The following LRBA variants were observed in gnomAD, a reference collection of about 807,000 sequenced individuals.
LRBA encodes LPS responsive beige-like anchor protein, also known as lipopolysaccharide-responsive and beige-like anchor protein.
A neutral mutation model predicts 330.0 loss-of-function variants in LRBA; 176 were observed. The ratio of observed to expected loss-of-function variants is 0.53; its 90% CI spans 0.47 to 0.60. The LOEUF is 0.60. Among genes scored for constraint, LRBA ranks in the 20% least tolerant of loss-of-function variants. The pLI is 0.00. For missense variants in LRBA, 3,259 were observed against 3,444.8 expected (o/e 0.95, Z 1.35); for synonymous variants, 1,230 against 1,193.0 (o/e 1.03, Z -0.64).
intron 37 of LRBA, among the ~76,000 whole-genome samples, chr4:150,624,995 A>G (rs1291044931): frequency 6.6e-6 from 1 of 152,230 alleles, no homozygotes; most frequent in East Asian, 1.9e-4. Flanking sequence ...TCTATTTATA[A>G]GAGCTCTTTG....
intron 29 of LRBA, among the ~76,000 whole-genome samples, chr4:150,828,922 G>GGTGT (rs753950457): frequency 0.016 from 1,680 of 106,160 alleles, 30 homozygotes; most frequent in African/African-American, 0.064. Flanking sequence ...CTTTTTTGGG[G>GGTGT]GTGTGTGTGT....
intron 37 of LRBA, among the ~76,000 whole-genome samples, chr4:150,625,271 A>G (rs115030820): frequency 6.6e-6 from 1 of 152,314 alleles, no homozygotes; most frequent in Non-Finnish European, 1.5e-5. Context: ...AAGCAAATTT[A>G]CCAAGAGATA....
chr4:150,504,048 A>C (rs1249698089), intron 40 of LRBA, among the ~76,000 whole-genome samples: 1 of 152,342 alleles, frequency 6.6e-6, no homozygotes, highest in East Asian at 1.9e-4. Flanking sequence ...GAGAAAAAAG[A>C]ATAAAAAGAA....
chr4:150,406,715 C>T (rs1256170290), intron 47 of LRBA, among the ~76,000 whole-genome samples: 3 of 152,148 alleles, frequency 2.0e-5, no homozygotes, highest in Admixed American at 2.0e-4. Context: ...GATATCAGGT[C>T]CTACTCCCTG....
intron 40 of LRBA, among the ~76,000 whole-genome samples, chr4:150,545,557 C>T (rs1401493033): frequency 3.3e-5 from 5 of 151,992 alleles, no homozygotes; most frequent in Non-Finnish European, 7.4e-5. Flanking sequence ...AAATAATTCG[C>T]AACTTAACTC....
chr4:150,976,278 C>G (rs1324714658), intron 2 of LRBA, among the ~76,000 whole-genome samples: 1 of 151,676 alleles, frequency 6.6e-6, no homozygotes, highest in Non-Finnish European at 1.5e-5. Context: ...TAAATTACTT[C>G]TAATATAGCC....
chr4:150,491,667 T>C (rs1481608382), intron 40 of LRBA, among the ~76,000 whole-genome samples: 1 of 152,086 alleles, frequency 6.6e-6, no homozygotes, highest in Non-Finnish European at 1.5e-5. Context: ...GGGTAGGTGG[T>C]TGTCAGAGTA....
At chr4:150,507,383 T>G (rs1315849177) in intron 40 of LRBA, among the ~76,000 whole-genome samples, 1 of 152,028 alleles carries the variant, frequency 6.6e-6, no homozygotes, top group Non-Finnish European at 1.5e-5. Context: ...AACAGAGATA[T>G]AGACCAATGG....
chr4:150,295,085 T>A (rs1291247309), intron 53 of LRBA, among the ~76,000 whole-genome samples: 1 of 152,048 alleles, frequency 6.6e-6, no homozygotes, highest in African/African-American at 2.4e-5. Context: ...CTCTCCTTGA[T>A]AATTCATATA....
chr4:150,384,605 A>G (rs1277716170), intron 47 of LRBA, among the ~76,000 whole-genome samples: 2 of 152,176 alleles, frequency 1.3e-5, no homozygotes, highest in Non-Finnish European at 2.9e-5. Context: ...AAATACCTTC[A>G]GGGAATTACG....
intron 4 of LRBA, 97 bp from the exon 5 acceptor site, chr4:150,921,390 A>G (rs775235096): frequency 1.4e-6 from 1 of 738,500 alleles, no homozygotes; most frequent in Admixed American, 2.2e-5. Context: ...ATACAGGAAT[A>G]ATGCTATAAG....
At chr4:150,876,960 G>A (rs1347837207) in intron 17 of LRBA, among the ~76,000 whole-genome samples, 2 of 152,066 alleles carry the variant, frequency 1.3e-5, no homozygotes, top group Non-Finnish European at 2.9e-5. Context: ...CTGTCTTTAA[G>A]AGACCTATTT....
Position 150,399,947 on chromosome 4 carries a change from G to C in LRBA, c.7194+15491C>G, listed in dbSNP as rs554443679. On this transcript the variant is annotated intron_variant, in intron 47 of 56. Coordinates refer to ENST00000651943, the MANE Select transcript of LRBA (RefSeq NM_001364905.1). Reference sequence around the variant, plus strand: ...GCGGAGATCGCACCACTGCACTCCAGCCAGGGTGATGAAGTGAGACTCTGT... The same window carrying C: ...GCGGAGATCGCACCACTGCACTCCACCCAGGGTGATGAAGTGAGACTCTGT... Among the ~76,000 whole-genome samples, 238 of 151,918 alleles carry C rather than the reference G, an allele frequency of 1.6e-3. 2 individuals carry two copies. The highest frequency in any genetic ancestry group is 3.1e-3 in the Non-Finnish European group (213 of 68,002).
chr4:150,844,811 A>G, intron 26 of LRBA, 32 bp from the exon 27 acceptor site: 10 of 1,577,892 alleles, frequency 6.3e-6, no homozygotes, highest in Non-Finnish European at 7.8e-6. Flanking sequence ...AGATAGGGAA[A>G]GAAAAGTTAA....
intron 2 of LRBA, among the ~76,000 whole-genome samples, chr4:150,969,719 C>G (rs1194290696): frequency 3.3e-5 from 5 of 152,190 alleles, no homozygotes. Flanking sequence ...ATCCACCCAC[C>G]TCAGCCTCCC....
At chr4:150,770,398 A>G (rs1227466989) in intron 34 of LRBA, among the ~76,000 whole-genome samples, 1 of 152,098 alleles carries the variant, frequency 6.6e-6, no homozygotes, top group Non-Finnish European at 1.5e-5. Flanking sequence ...ACCTTAGCTG[A>G]TATGTATACT....
chr4:150,293,431 C>A (rs953719480), intron 53 of LRBA, among the ~76,000 whole-genome samples: 4 of 152,198 alleles, frequency 2.6e-5, no homozygotes, highest in Admixed American at 1.3e-4. Context: ...TTCACCAAAT[C>A]TTTTCCCTTC....
intron 48 of LRBA, among the ~76,000 whole-genome samples, chr4:150,338,517 C>G (rs562906074): frequency 2.3e-4 from 35 of 152,162 alleles, no homozygotes; most frequent in Non-Finnish European, 4.3e-4. Context: ...TGAAGCCCCA[C>G]CCCTTCTTCC....
intron 2 of LRBA, among the ~76,000 whole-genome samples, chr4:150,971,301 A>G (rs1739557269): frequency 6.6e-6 from 1 of 152,242 alleles, no homozygotes; most frequent in African/African-American, 2.4e-5. Context: ...AATTTCATAC[A>G]GAGTGGCACA....
Sources: allele counts gnomAD v4.1 joint callset (sites outside exome capture counted in the v4.1 genomes callset), GRCh38; gene constraint gnomAD v4.1.1; transcripts MANE v1.5; gene names NCBI Gene and HGNC (gene_info 2026-07-23, HGNC 2026-07-21).